Variants in ANKRD12 observed in about 807,000 individuals in gnomAD.
ANKRD12 encodes the protein ankyrin repeat domain 12, also known as ankyrin repeat domain-containing protein 12.
A neutral mutation model predicts 183.4 loss-of-function variants in ANKRD12; 85 were observed. That is an observed-to-expected ratio of 0.46 (90% CI 0.39 to 0.56). ANKRD12 has a LOEUF of 0.56. ANKRD12 is among the 20% of genes least tolerant of loss of function. The pLI is 0.00. For synonymous variants in ANKRD12, 914 were observed against 800.2 expected, an observed-to-expected ratio of 1.14 and a Z score of -2.40; for missense variants, 2,405 against 2,357.1, an observed-to-expected ratio of 1.02 and a Z score of -0.42.
rs1038745576 is a variant in ANKRD12 at position 9,285,098 on chromosome 18, A to G, written c.*3972A>G. ...GCCGCGGGCGCCTGTAGTTCCAGCTACTCGGGAGGCTGAGGCAGGAGAATG... is the reference window on the plus strand; with the variant it reads ...GCCGCGGGCGCCTGTAGTTCCAGCTGCTCGGGAGGCTGAGGCAGGAGAATG... On this transcript the variant is annotated 3_prime_UTR_variant, in exon 13 of 13. Coordinates refer to ENST00000262126, the MANE Select transcript of ANKRD12 (RefSeq NM_015208.5). The G allele has an allele frequency of 6.6e-6, 1 of 152,010 alleles. No homozygotes were observed. Among genetic ancestry groups the G allele is most frequent in the Non-Finnish European group, 1.5e-5 (1 of 68,172 alleles). The allele number at this position is 152,010 out of a possible 1,614,324, so 9.4% of individuals were successfully genotyped here.
At chr18:9,202,713 A>G (rs944425954) in intron 3 of ANKRD12, among the ~76,000 whole-genome samples, 1 of 152,206 alleles carries the variant, frequency 6.6e-6, no homozygotes, top group African/African-American at 2.4e-5. Context: ...TCTCATAAAC[A>G]GTGGTAGTCT....
At position 9,255,768 on chromosome 18, in the gene ANKRD12, A is replaced by C. The variant is rs1180787871; in HGVS notation, c.2501A>C (p.Glu834Ala). The change falls in exon 9 of 13, where the codon GAG (glutamate) becomes GCG (alanine). Residue 834 changes from glutamate (E) to alanine (A), a missense_variant. Around this residue, in one of 7 missense-constraint regions of ANKRD12, gnomAD observed 1,983 missense variants for 1,725.9 expected, o/e 1.15. Coordinates refer to ENST00000262126, the MANE Select transcript of ANKRD12 (RefSeq NM_015208.5). ...TCTCAAATTAAAGAAAAGGACATTG[A>C]GAAGATGGAAAGAAAAACCTTTGAA... is the stretch of plus-strand genomic sequence containing the variant. ...KRSQIKEKDI[E>A]KMERKTFEKE... 1.3e-6 allele frequency: 2 copies of C among 1,580,076 alleles called. No homozygotes were observed. The highest frequency in any genetic ancestry group is 1.7e-6 in the Non-Finnish European group (2 of 1,171,414).
chr18:9,152,018 G>A, intron 1 of ANKRD12, among the ~76,000 whole-genome samples: 1 of 152,078 alleles, frequency 6.6e-6, no homozygotes, highest in Non-Finnish European at 1.5e-5. Context: ...TGAGTTTGTG[G>A]CTAGCCTAGG....
At chr18:9,160,184 C>T (rs1480119515) in intron 1 of ANKRD12, among the ~76,000 whole-genome samples, 2 of 152,286 alleles carry the variant, frequency 1.3e-5, no homozygotes, top group Non-Finnish European at 2.9e-5. Flanking sequence ...GGTGTGATCA[C>T]AGCTCAGTGC....
chr18:9,190,699 C>T (rs1009564036), intron 2 of ANKRD12, among the ~76,000 whole-genome samples: 70 of 152,286 alleles, frequency 4.6e-4, no homozygotes, highest in African/African-American at 1.6e-3. Context: ...GACCCTCCAC[C>T]AGCAAAGAGA....
chr18:9,196,952 G>A (rs1182380425), intron 3 of ANKRD12, among the ~76,000 whole-genome samples: 1 of 151,938 alleles, frequency 6.6e-6, no homozygotes, highest in Non-Finnish European at 1.5e-5. Flanking sequence ...ATTTCAGATT[G>A]AACTCTTCTC....
chr18:9,272,593 C>T (rs984822870), intron 10 of ANKRD12, among the ~76,000 whole-genome samples: 1 of 151,814 alleles, frequency 6.6e-6, no homozygotes, highest in Non-Finnish European at 1.5e-5. Context: ...AAAGTTATTT[C>T]TCACATGGTG....
intron 2 of ANKRD12, among the ~76,000 whole-genome samples, chr18:9,189,214 T>C (rs531918756): frequency 3.9e-5 from 6 of 152,196 alleles, no homozygotes; most frequent in Non-Finnish European, 8.8e-5. Flanking sequence ...AACATCCCCT[T>C]AAACCAAAGT....
At position 9,254,779 on chromosome 18, in the gene ANKRD12, A is replaced by G; in HGVS notation, c.1512A>G (p.Thr504=). 6.8e-7 allele frequency: 1 copy of G among 1,472,382 alleles called. No homozygotes were observed. The highest frequency in any genetic ancestry group is 9.0e-7 in the Non-Finnish European group (1 of 1,113,008). 91.2% of individuals were successfully genotyped at this position (1,472,382 alleles called of 1,614,324 possible). ...AAAATACAAGAATAACAAACTTGAC[A>G]GTAAATACTGGACTAGATTGTTCAG... is the stretch of plus-strand genomic sequence containing the variant. ...GKENTRITNL[T]VNTGLDCSEK... is the part of the protein sequence containing the mutation. Residue 504 remains threonine (T), a synonymous_variant, in exon 9 of 13, where the codon ACA becomes ACG. Transcript: ENST00000262126.
At chr18:9,190,114 C>T (rs2034359243) in intron 2 of ANKRD12, among the ~76,000 whole-genome samples, 1 of 152,088 alleles carries the variant, frequency 6.6e-6, no homozygotes, top group Admixed American at 6.5e-5. Flanking sequence ...CAATATTAAC[C>T]AGAGTTTGGA....
intron 8 of ANKRD12, 65 bp from the exon 9 acceptor site, chr18:9,254,146 A>G: frequency 3.5e-6 from 5 of 1,439,500 alleles, no homozygotes; most frequent in Non-Finnish European, 4.5e-6. Flanking sequence ...CTCAGAAAAA[A>G]AAATTATTTT....
intron 8 of ANKRD12, among the ~76,000 whole-genome samples, chr18:9,252,523 C>G (rs1458612848): frequency 6.6e-6 from 1 of 152,178 alleles, no homozygotes; most frequent in Non-Finnish European, 1.5e-5. Context: ...TACATTCTTT[C>G]CTTTTAAAAA....
chr18:9,270,967 T>C (rs2039571448), intron 10 of ANKRD12, among the ~76,000 whole-genome samples: 1 of 152,200 alleles, frequency 6.6e-6, no homozygotes, highest in African/African-American at 2.4e-5. Context: ...TTGCTTGATA[T>C]TGGCCAGCTA....
intron 8 of ANKRD12, among the ~76,000 whole-genome samples, chr18:9,224,793 G>A (rs1426504744): frequency 1.3e-5 from 2 of 152,026 alleles, no homozygotes; most frequent in Non-Finnish European, 2.9e-5. Context: ...CCCCAAAATG[G>A]GCAGAGAAAT....
Position 9,218,662 on chromosome 18 carries a change from TTTC to T in ANKRD12, c.795+1765_795+1767del, listed in dbSNP as rs1252440963. ...ATAGTAATTCCTAAAACACTTCTTT[TTTC>T]TTTTTTTTTTTTTCTTTTTTTTGAG... On this transcript the variant is annotated intron_variant, in intron 7 of 12. Transcript: ENST00000262126. Among the ~76,000 whole-genome samples, 114 of 141,182 alleles carry T rather than the reference TTTC, an allele frequency of 8.1e-4. 1 individual carries two copies. Among genetic ancestry groups the T allele is most frequent in the African/African-American group, 2.6e-3 (107 of 41,048 alleles). 92.6% of individuals were successfully genotyped at this position (141,182 alleles called of 152,430 possible).
At chr18:9,243,027 C>A (rs929206974) in intron 8 of ANKRD12, among the ~76,000 whole-genome samples, 4 of 151,894 alleles carry the variant, frequency 2.6e-5, no homozygotes, top group African/African-American at 9.7e-5. Context: ...GTAAAATTAC[C>A]TCATATTTTA....
chr18:9,171,019 A>G (rs2452678), intron 1 of ANKRD12, among the ~76,000 whole-genome samples: 1 of 152,128 alleles, frequency 6.6e-6, no homozygotes, highest in Non-Finnish European at 1.5e-5. Context: ...GCAGAAGCGC[A>G]GATGTTGGTG....
chr18:9,182,508 T>C lies in ANKRD12; in HGVS notation c.76T>C (p.Tyr26His). Residue 26 changes from tyrosine (Y) to histidine (H), a missense_variant, in exon 2 of 13, where the codon TAT becomes CAT. Coordinates refer to ENST00000262126, the MANE Select transcript of ANKRD12 (RefSeq NM_015208.5). ...DSDSNMVEKPYGRKSKDKIAS... is the reference protein window; with the variant it reads ...DSDSNMVEKPHGRKSKDKIAS... ...TGACAGCAATATGGTAGAGAAACCA[T>C]ATGGAAGAAAGGTATATGATTATAC... 1.2e-6 allele frequency: 2 copies of C among 1,604,754 alleles called. No homozygotes were observed. Among genetic ancestry groups the C allele is most frequent in the Non-Finnish European group, 1.7e-6 (2 of 1,174,926 alleles).
chr18:9,231,496 C>A (rs995942025), intron 8 of ANKRD12, among the ~76,000 whole-genome samples: 7 of 151,920 alleles, frequency 4.6e-5, no homozygotes, highest in African/African-American at 1.7e-4. Flanking sequence ...TATATGATTA[C>A]CTTTTTTGTC....
Sources: allele counts gnomAD v4.1 joint callset (sites outside exome capture counted in the v4.1 genomes callset), GRCh38; gene constraint gnomAD v4.1.1; regional missense constraint gnomAD v4.1.1; transcripts MANE v1.5; gene names NCBI Gene and HGNC (gene_info 2026-07-23, HGNC 2026-07-21).